ZNF432: variants seen among roughly 807,000 people sequenced by gnomAD.
ZNF432 encodes zinc finger protein 432.
Under a neutral mutation model 13.9 loss-of-function variants are expected in ZNF432, and 10 were observed. The ratio of observed to expected loss-of-function variants is 0.72; its 90% CI spans 0.44 to 1.22. The LOEUF (loss-of-function observed/expected upper bound fraction) is 1.22, where lower values mean the gene tolerates loss of function less well. Among genes scored for constraint, ZNF432 ranks in the 50% most tolerant of loss-of-function variants. ZNF432 has a pLI of 0.00. For missense variants in ZNF432, 793 were observed against 796.2 expected (o/e 1.00, Z 0.05); for synonymous variants, 247 against 256.2 (o/e 0.96, Z 0.34).
rs1390091263 is a variant in ZNF432, at chr19:52,032,614, T to G, written c.*1106A>C. On this transcript the variant is annotated 3_prime_UTR_variant, in exon 5 of 5. Transcript: ENST00000221315. ...CCATGCTCGGCTAATTTTGTATTTT[T>G]AGTAGAGAGGGGGGCTTCACCATGT... 4 of 152,104 alleles carry G rather than the reference T, an allele frequency of 2.6e-5. No individual in the cohort carries two copies. Among genetic ancestry groups the G allele is most frequent in the African/African-American group, 9.7e-5 (4 of 41,404 alleles). 9.4% of individuals were successfully genotyped at this position (152,104 alleles called of 1,614,324 possible). A position where few individuals can be genotyped will look rare whatever the true frequency, so the allele number is the denominator to read the frequency against.
chr19:52,046,217 T>C (rs539848363), intron 2 of ZNF432, among the ~76,000 whole-genome samples: 17 of 152,202 alleles, frequency 1.1e-4, no homozygotes, highest in African/African-American at 3.9e-4. Context: ...AATCTGCAGT[T>C]AATGCCAGTT....
intron 3 of ZNF432, among the ~76,000 whole-genome samples, chr19:52,041,037 G>C (rs2087131442): frequency 6.6e-6 from 1 of 152,030 alleles, no homozygotes; most frequent in Admixed American, 6.6e-5. Context: ...CCAGTTCAAG[G>C]CTGCAGCGAG....
rs906262427 is a variant in ZNF432 at position 52,046,414 on chromosome 19, G to A, written c.15+440C>T. On this transcript the variant is annotated intron_variant, in intron 2 of 4. Transcript: ENST00000221315. ...TTTCCATAGGAGTCTCTGAGGAACC[G>A]TGTAATAAACAGCAGTAAGAAATCT... 5.3e-5 allele frequency among the ~76,000 whole-genome samples: 8 copies of A among 152,172 alleles called. No homozygotes were observed. In the East Asian group the frequency reaches 9.6e-4, roughly 18 times the overall value.
rs866204909 is a variant in ZNF432 at position 52,032,579 on chromosome 19, G to A, written c.*1141C>T. The A allele has an allele frequency of 2.0e-5, 3 of 151,758 alleles. No individual in the cohort carries two copies. Among genetic ancestry groups the A allele is most frequent in the Admixed American group, 6.6e-5 (1 of 15,184 alleles). The allele number at this position is 151,758 out of a possible 1,614,324, so 9.4% of individuals were successfully genotyped here. On this transcript the variant is annotated 3_prime_UTR_variant, in exon 5 of 5. Coordinates refer to ENST00000221315, the MANE Select transcript of ZNF432 (RefSeq NM_014650.4). ...GCCTCCAGAGTAGCTGGGATTACAA[G>A]CGTGAGCCACCATGCTCGGCTAATT...
intron 4 of ZNF432, among the ~76,000 whole-genome samples, chr19:52,039,906 AT>A (rs565794254): frequency 2.8e-3 from 419 of 147,790 alleles, no homozygotes; most frequent in African/African-American, 8.8e-3. Flanking sequence ...CTTGGAAACA[AT>A]TTTTTTTTTT....
At chr19:52,047,651 A>G (rs1426941093) in intron 1 of ZNF432, among the ~76,000 whole-genome samples, 2 of 151,510 alleles carry the variant, frequency 1.3e-5, no homozygotes, top group South Asian at 2.1e-4. Flanking sequence ...AGCCTGGGCG[A>G]CAAAAGCAAG....
chr19:52,034,986 T>C lies in ZNF432; in HGVS notation c.693A>G (p.Lys231=), dbSNP rs1159793940. 6.2e-7 allele frequency: 1 copy of C among 1,613,692 alleles called. No homozygotes were observed. Among genetic ancestry groups the C allele is most frequent in the East Asian group, 2.2e-5 (1 of 44,876 alleles). ...TTGCACACAAAGTACATCCATAAGG[T>C]TTTTCTCCTGTATGAACTCTCTCAT... ...TDHERVHTGE[K]PYGCTLCAKV... is the part of the protein sequence containing the mutation. The change falls in exon 5 of 5, where the codon AAA becomes AAG. Residue 231 remains lysine (K), a synonymous_variant. Coordinates refer to ENST00000221315, the MANE Select transcript of ZNF432 (RefSeq NM_014650.4).
At chr19:52,046,007 C>CAAAAAAAAAAAAAAAA (rs201110474) in intron 2 of ZNF432, among the ~76,000 whole-genome samples, 7 of 87,072 alleles carry the variant, frequency 8.0e-5, no homozygotes, top group East Asian at 3.1e-4. Context: ...AAACAAAAAC[C>CAAAAAAAAAAAAAAAA]AAAAAAAAAA....
At position 52,034,599 on chromosome 19, in the gene ZNF432, G is replaced by C; in HGVS notation, c.1080C>G (p.Val360=). The change falls in exon 5 of 5, where the codon GTC becomes GTG. Residue 360 remains valine, a synonymous_variant. Coordinates refer to ENST00000221315, the MANE Select transcript of ZNF432 (RefSeq NM_014650.4). ...CGKGFTTKHY[V]IIHQRNHTGE... is the part of the protein sequence containing the mutation. ...CTGTATGATTTCGTTGATGTATGAT[G>C]ACATAGTGTTTTGTGGTGAAGCCTT... 1 of 1,611,150 alleles carries C rather than the reference G, an allele frequency of 6.2e-7. No homozygotes were observed. The highest frequency in any genetic ancestry group is 2.2e-5 in the East Asian group (1 of 44,590).
intron 4 of ZNF432, 79 bp downstream of exon 4, chr19:52,040,409 T>C (rs2087122612): frequency 8.1e-7 from 1 of 1,238,314 alleles, no homozygotes; most frequent in Admixed American, 1.7e-5. Flanking sequence ...TAGGCACTGC[T>C]TCTGTGTCCT....
intron 3 of ZNF432, 124 bp from the exon 4 acceptor site, chr19:52,040,707 G>T: frequency 1.4e-6 from 1 of 738,734 alleles, no homozygotes; most frequent in South Asian, 1.7e-5. Context: ...TCTCTCTCAG[G>T]AAAGGGCAGA....
At chr19:52,044,138 A>T (rs879674011) in intron 2 of ZNF432, among the ~76,000 whole-genome samples, 1 of 152,204 alleles carries the variant, frequency 6.6e-6, no homozygotes, top group Admixed American at 6.5e-5. Flanking sequence ...ATAATCACAG[A>T]GATTAATACA....
chr19:52,043,888 C>T (rs1208495778), intron 2 of ZNF432, among the ~76,000 whole-genome samples: 1 of 151,968 alleles, frequency 6.6e-6, no homozygotes, highest in Non-Finnish European at 1.5e-5. Flanking sequence ...TGTGACCCTG[C>T]CACATCCCCC....
intron 4 of ZNF432, among the ~76,000 whole-genome samples, chr19:52,036,795 T>C (rs2087085795): frequency 6.6e-6 from 1 of 152,156 alleles, no homozygotes; most frequent in African/African-American, 2.4e-5. Context: ...CTCAGCCTCC[T>C]GAGTAGCCGG....
chr19:52,034,195 A>G lies in ZNF432; in HGVS notation c.1484T>C (p.Ile495Thr), dbSNP rs1600047013. 5 of 1,613,226 alleles carry G rather than the reference A, an allele frequency of 3.1e-6. No individual in the cohort carries two copies. The highest frequency in any genetic ancestry group is 4.2e-6 in the Non-Finnish European group (5 of 1,179,806). Reference protein sequence around the residue: ...YRCSECGKGFIVNSGLMLHQR... With the variant: ...YRCSECGKGFTVNSGLMLHQR... ...ATGTAACATCAGTCCGCTATTCACA[A>G]TGAAACCTTTCCCACATTCACTGCA... Residue 495 changes from isoleucine to threonine, a missense_variant, in exon 5 of 5, where the codon ATT becomes ACT. Coordinates refer to ENST00000221315, the MANE Select transcript of ZNF432 (RefSeq NM_014650.4).
At chr19:52,043,286 CAT>C (rs2087152431) in intron 2 of ZNF432, among the ~76,000 whole-genome samples, 1 of 152,238 alleles carries the variant, frequency 6.6e-6, no homozygotes, top group Non-Finnish European at 1.5e-5. Flanking sequence ...CTCTCGGAAA[CAT>C]GTGCTGTGTC....
In ZNF432 at chr19:52,033,774, G is replaced by A. The variant is rs755519764; in HGVS notation, c.1905C>T (p.Ser635=). Reference sequence around the variant, plus strand: ...GATGTACAATGAGATTTCTCTTTGAGGAGAAGGCTTTTCTACATTCACTGC... The same window carrying A: ...GATGTACAATGAGATTTCTCTTTGAAGAGAAGGCTTTTCTACATTCACTGC... ...FVCSECRKAF[S]SKRNLIVHQR... Residue 635 remains serine, a synonymous_variant, in exon 5 of 5, where the codon TCC becomes TCT. Transcript: ENST00000221315. 3.1e-6 allele frequency: 5 copies of A among 1,607,692 alleles called. No homozygotes were observed. Among genetic ancestry groups the A allele is most frequent in the Middle Eastern group, 3.3e-4 (2 of 6,010 alleles).
intron 2 of ZNF432, among the ~76,000 whole-genome samples, chr19:52,046,482 A>C (rs2087184350): frequency 6.6e-6 from 1 of 152,176 alleles, no homozygotes; most frequent in African/African-American, 2.4e-5. Flanking sequence ...TGTTCACCAT[A>C]TCACCTCTGG....
chr19:52,045,326 A>T (rs1285860130), intron 2 of ZNF432, among the ~76,000 whole-genome samples: 1 of 148,144 alleles, frequency 6.8e-6, no homozygotes, highest in African/African-American at 2.5e-5. Flanking sequence ...AGTTATGAAG[A>T]GGGAATCTAC....
Sources: allele counts gnomAD v4.1 joint callset (sites outside exome capture counted in the v4.1 genomes callset), GRCh38; gene constraint gnomAD v4.1.1; transcripts MANE v1.5; gene names NCBI Gene and HGNC (gene_info 2026-07-23, HGNC 2026-07-21).